Variants in NKAIN3 observed in about 807,000 individuals in gnomAD.
NKAIN3 encodes sodium/potassium transporting ATPase interacting 3, also known as sodium/potassium-transporting ATPase subunit beta-1-interacting protein 3.
A neutral mutation model predicts 30.2 loss-of-function variants in NKAIN3; 25 were observed. The ratio of observed to expected loss-of-function variants is 0.83; its 90% confidence interval spans 0.60 to 1.16. The LOEUF is 1.16. NKAIN3 is among the 50% of genes most tolerant of loss of function. The pLI is 0.00. For missense variants in NKAIN3, 225 were observed against 254.1 expected (o/e 0.89, Z 0.78); for synonymous variants, 91 against 89.6 (o/e 1.02, Z -0.09).
chr8:62,878,779 G>C (rs1820881059), intron 4 of NKAIN3, among the ~76,000 whole-genome samples: 2 of 150,394 alleles, frequency 1.3e-5, no homozygotes, highest in Admixed American at 6.7e-5. Context: ...TTTTGTCCTT[G>C]TGATAGTTTG....
In NKAIN3 at chr8:62,610,887, T is replaced by C. The variant is rs540436024; in HGVS notation, c.273+21093T>C. Among the ~76,000 whole-genome samples, 5 of 152,272 alleles carry C rather than the reference T, an allele frequency of 3.3e-5. No homozygotes were observed. In the South Asian group the frequency reaches 1.0e-3, roughly 32 times the overall value. ...CCTACTACGTTTTTTACTATGTTCTTATGTACATATAGTTTCATAGTAGAA... is the reference window on the plus strand; with the variant it reads ...CCTACTACGTTTTTTACTATGTTCTCATGTACATATAGTTTCATAGTAGAA... On this transcript the variant is annotated intron_variant, in intron 3 of 6. Transcript: ENST00000623646.
intron 1 of NKAIN3, among the ~76,000 whole-genome samples, chr8:62,288,147 T>G (rs946114956): frequency 9.2e-5 from 14 of 152,158 alleles, no homozygotes; most frequent in Non-Finnish European, 8.8e-5. Flanking sequence ...CATTCTGCCT[T>G]TGGGTCTATA....
At chr8:62,849,288 T>A (rs1419848102) in intron 4 of NKAIN3, among the ~76,000 whole-genome samples, 1 of 122,902 alleles carries the variant, frequency 8.1e-6, no homozygotes, top group African/African-American at 2.9e-5. Flanking sequence ...ATTCATCTGG[T>A]CCTGGGCTTT....
intron 1 of NKAIN3, among the ~76,000 whole-genome samples, chr8:62,518,370 A>C (rs1427408455): frequency 1.3e-5 from 2 of 152,106 alleles, no homozygotes. Flanking sequence ...AACAAACAAA[A>C]AAAGATATCC....
At position 62,679,105 on chromosome 8, in the gene NKAIN3, G is replaced by A. The variant is rs531909196; in HGVS notation, c.274-67827G>A. Among the ~76,000 whole-genome samples, 3 of 152,296 alleles carry A rather than the reference G, an allele frequency of 2.0e-5. No individual in the cohort carries two copies. In the East Asian group the frequency reaches 5.8e-4, roughly 29 times the overall value. On this transcript the variant is annotated intron_variant, in intron 3 of 6. Coordinates refer to ENST00000623646, the MANE Select transcript of NKAIN3 (RefSeq NM_001304533.3). ...AAGCCATGCTGTTCAACCCAGACAG[G>A]TTGAGAACAGAGAAAATCATATATT...
chr8:62,435,853 A>G (rs1263934587), intron 1 of NKAIN3, among the ~76,000 whole-genome samples: 3 of 152,196 alleles, frequency 2.0e-5, no homozygotes, highest in Non-Finnish European at 4.4e-5. Context: ...ACTTCAGTAT[A>G]CCTATTTTGT....
rs567815703 is a variant in NKAIN3 at position 62,762,343 on chromosome 8, A to G, written c.471+15214A>G. ...AAAAAAAAAAACAAAAAACAAAAAG[A>G]AACATGGCATTTGAGCTGAAATGAA... On this transcript the variant is annotated intron_variant, in intron 4 of 6. Coordinates refer to ENST00000623646, the MANE Select transcript of NKAIN3 (RefSeq NM_001304533.3). Among the ~76,000 whole-genome samples, 5 of 152,202 alleles carry G rather than the reference A, an allele frequency of 3.3e-5. No individual in the cohort carries two copies. In the South Asian group the frequency reaches 1.0e-3, roughly 32 times the overall value.
At chr8:62,294,866 G>C (rs1010692948) in intron 1 of NKAIN3, among the ~76,000 whole-genome samples, 6 of 152,114 alleles carry the variant, frequency 3.9e-5, no homozygotes, top group African/African-American at 1.4e-4. Context: ...TTGAGTCAAA[G>C]TAATTACCTA....
chr8:62,866,556 A>G (rs1444298303), intron 4 of NKAIN3, among the ~76,000 whole-genome samples: 2 of 152,236 alleles, frequency 1.3e-5, no homozygotes. Context: ...TGTAACATAT[A>G]GAGGTATATT....
chr8:62,729,426 G>A (rs1278626171), intron 3 of NKAIN3, among the ~76,000 whole-genome samples: 2 of 152,106 alleles, frequency 1.3e-5, no homozygotes, highest in South Asian at 2.1e-4. Flanking sequence ...TGGGTGTAAC[G>A]CAAAATGGTA....
chr8:62,692,272 A>G (rs756396351), intron 3 of NKAIN3, among the ~76,000 whole-genome samples: 2 of 152,230 alleles, frequency 1.3e-5, no homozygotes, highest in African/African-American at 2.4e-5. Flanking sequence ...AAGGGCATAG[A>G]TAAGGGTCCA....
intron 4 of NKAIN3, among the ~76,000 whole-genome samples, chr8:62,815,177 T>G (rs981131647): frequency 6.6e-6 from 1 of 151,912 alleles, no homozygotes; most frequent in Non-Finnish European, 1.5e-5. Flanking sequence ...CAGGAAGAAG[T>G]TGAATCTCTG....
rs572596205 is a variant in NKAIN3 at position 62,413,591 on chromosome 8, G to A, written c.54+164464G>A. On this transcript the variant is annotated intron_variant, in intron 1 of 6. Transcript: ENST00000623646. ...TTAATCAAGAGCTAAATAAATAGAGGCTAATGTCAAAACTCGGTGATTTAA... is the reference window on the plus strand; with the variant it reads ...TTAATCAAGAGCTAAATAAATAGAGACTAATGTCAAAACTCGGTGATTTAA... 7.2e-5 allele frequency among the ~76,000 whole-genome samples: 11 copies of A among 152,220 alleles called. No homozygotes were observed. In the South Asian group the frequency reaches 2.1e-3, roughly 29 times the overall value.
At chr8:62,377,662 C>A (rs1355636734) in intron 1 of NKAIN3, among the ~76,000 whole-genome samples, 2 of 151,928 alleles carry the variant, frequency 1.3e-5, no homozygotes, top group East Asian at 1.9e-4. Context: ...GGTGGTTCCC[C>A]CCATGCTGTT....
chr8:62,810,638 G>GTTTTTTTTTTTTTTT (rs3032376), intron 4 of NKAIN3, among the ~76,000 whole-genome samples: 2 of 120,202 alleles, frequency 1.7e-5, no homozygotes, highest in African/African-American at 6.3e-5. Flanking sequence ...TAGGTAGAAA[G>GTTTTTTTTTTTTTTT]TTTTTTTTTT....
At chr8:62,588,600 C>G (rs1256871813) in intron 2 of NKAIN3, among the ~76,000 whole-genome samples, 2 of 151,602 alleles carry the variant, frequency 1.3e-5, no homozygotes, top group Non-Finnish European at 3.0e-5. Context: ...TAGTAACATA[C>G]CTATATTACA....
intron 1 of NKAIN3, among the ~76,000 whole-genome samples, chr8:62,445,189 G>C (rs553621988): frequency 4.6e-5 from 7 of 151,760 alleles, no homozygotes; most frequent in Admixed American, 4.6e-4. Flanking sequence ...TGTGATCCGC[G>C]CACCTCAGCC....
intron 4 of NKAIN3, among the ~76,000 whole-genome samples, chr8:62,916,292 A>G (rs143090034): frequency 6.6e-6 from 1 of 152,348 alleles, no homozygotes; most frequent in Admixed American, 6.5e-5. Flanking sequence ...AGTATATTTA[A>G]ATAATACAAA....
chr8:62,964,250 A>T (rs1341482965), intron 6 of NKAIN3, among the ~76,000 whole-genome samples: 1 of 152,170 alleles, frequency 6.6e-6, no homozygotes, highest in Non-Finnish European at 1.5e-5. Context: ...TTCAAAGTTG[A>T]GTAGGGTTTG....
Sources: allele counts gnomAD v4.1 joint callset (sites outside exome capture counted in the v4.1 genomes callset), GRCh38; gene constraint gnomAD v4.1.1; transcripts MANE v1.5; gene names NCBI Gene and HGNC (gene_info 2026-07-23, HGNC 2026-07-21).